The following DHRSX variants were observed in gnomAD, a reference collection of about 807,000 sequenced individuals.
The protein encoded by DHRSX is dehydrogenase/reductase X-linked, also known as polyprenol dehydrogenase.
Under a neutral mutation model 34.0 loss-of-function variants are expected in DHRSX, and 31 were observed. The observed-to-expected ratio is 0.91, with a 90% CI of 0.69 to 1.23. The LOEUF (loss-of-function observed/expected upper bound fraction) is 1.23. Among genes scored for constraint, DHRSX ranks in the 50% most tolerant of loss-of-function variants. The pLI is 0.00. For missense variants in DHRSX, 414 were observed against 428.1 expected, an observed-to-expected ratio of 0.97 and a Z score of 0.29; for synonymous variants, 201 against 183.8, an observed-to-expected ratio of 1.09 and a Z score of -0.76.
rs1443239257 is a variant in DHRSX, at chrX:2,238,095, C to T, written c.804+4928G>A. Among the ~76,000 whole-genome samples, 7 of 152,174 alleles carry T rather than the reference C, an allele frequency of 4.6e-5. No homozygotes were observed. The East Asian group carries it at 9.7e-4, about 21-fold the overall frequency. On this transcript the variant is annotated intron_variant, in intron 6 of 6. Transcript: ENST00000334651. ...CTCTCATCTTTATAAATGCACAAAT[C>T]ATAATCCCAACACTTTGGGAGGCCA... is the stretch of plus-strand genomic sequence containing the variant.
intron 3 of DHRSX, among the ~76,000 whole-genome samples, chrX:2,396,986 G>T (rs2043420349): frequency 6.6e-6 from 1 of 151,970 alleles, no homozygotes; most frequent in Non-Finnish European, 1.5e-5. Flanking sequence ...CTGAAATTCA[G>T]CTTCTTTTTA....
chrX:2,298,608 A>ACACACACACACACACACACACGCG (rs2041966582), intron 3 of DHRSX, among the ~76,000 whole-genome samples: 3 of 60,036 alleles, frequency 5.0e-5, no homozygotes, highest in African/African-American at 1.3e-4. Flanking sequence ...GTGTACACAC[A>ACACACACACACACACACACACGCG]CACACACACA....
chrX:2,296,365 A>G (rs1371947261), intron 3 of DHRSX, among the ~76,000 whole-genome samples: 2 of 152,194 alleles, frequency 1.3e-5, no homozygotes, highest in African/African-American at 4.8e-5. Flanking sequence ...GAGAGGGAAA[A>G]AGAGAAAAGA....
intron 2 of DHRSX, among the ~76,000 whole-genome samples, chrX:2,413,845 A>G (rs2043661230): frequency 1.3e-5 from 2 of 152,054 alleles, no homozygotes; most frequent in South Asian, 4.1e-4. Flanking sequence ...ATCTGATTAT[A>G]CCCTAACCCA....
In DHRSX at chrX:2,445,852, C is replaced by T. The variant is rs190842077; in HGVS notation, c.110-20548G>A. ...CACCGTGTACACACTGAGGACGTTC[C>T]CTAAGCATGTGGCTAAGGGACTCCG... is the stretch of plus-strand genomic sequence containing the variant. On this transcript the variant is annotated intron_variant, in intron 1 of 6. Transcript: ENST00000334651. Among the ~76,000 whole-genome samples, 115 of 152,100 alleles carry T rather than the reference C, an allele frequency of 7.6e-4. 1 individual carries two copies. Among genetic ancestry groups the T allele is most frequent in the Admixed American group, 7.2e-4 (11 of 15,274 alleles).
intron 3 of DHRSX, among the ~76,000 whole-genome samples, chrX:2,406,407 C>T (rs1336340287): frequency 6.6e-6 from 1 of 151,096 alleles, no homozygotes; most frequent in Admixed American, 6.6e-5. Context: ...TGGATATTGT[C>T]AGAAGGGTGT....
At chrX:2,306,489 T>G (rs1359299187) in intron 3 of DHRSX, among the ~76,000 whole-genome samples, 1 of 147,654 alleles carries the variant, frequency 6.8e-6, no homozygotes. Flanking sequence ...TGAGGCAGAG[T>G]CTTGCTCTGT....
chrX:2,399,725 C>CAAAAAAAAAAAAAAAAAA (rs779558142), intron 3 of DHRSX, among the ~76,000 whole-genome samples: 3 of 35,228 alleles, frequency 8.5e-5, no homozygotes, highest in Non-Finnish European at 1.5e-4. Flanking sequence ...AAACAAAAAG[C>CAAAAAAAAAAAAAAAAAA]AAAAAAAAAA....
At chrX:2,269,027 A>G (rs1055655028) in intron 4 of DHRSX, among the ~76,000 whole-genome samples, 4 of 152,210 alleles carry the variant, frequency 2.6e-5, no homozygotes, top group African/African-American at 9.6e-5. Flanking sequence ...AGCTATATTG[A>G]TATTTGTAGA....
chrX:2,462,280 CA>C (rs2044413365), intron 1 of DHRSX, among the ~76,000 whole-genome samples: 1 of 151,884 alleles, frequency 6.6e-6, no homozygotes, highest in East Asian at 1.9e-4. Flanking sequence ...GCCCACTTGC[CA>C]AGAACAATGT....
At chrX:2,340,242 G>A (rs1366378542) in intron 3 of DHRSX, among the ~76,000 whole-genome samples, 1 of 151,986 alleles carries the variant, frequency 6.6e-6, no homozygotes, top group Non-Finnish European at 1.5e-5. Flanking sequence ...TAATGTAGAT[G>A]ACGGGTTGAG....
At chrX:2,292,683 T>C (rs2041880638) in intron 3 of DHRSX, among the ~76,000 whole-genome samples, 1 of 152,206 alleles carries the variant, frequency 6.6e-6, no homozygotes, top group Non-Finnish European at 1.5e-5. Flanking sequence ...ATCTGTGTTA[T>C]TTTGTTACAG....
At chrX:2,418,846 T>A (rs2043731894) in intron 2 of DHRSX, among the ~76,000 whole-genome samples, 1 of 152,272 alleles carries the variant, frequency 6.6e-6, no homozygotes, top group South Asian at 2.1e-4. Context: ...ACAGCAGATA[T>A]CCACCTAGCA....
At chrX:2,322,274 C>T (rs745996251) in intron 3 of DHRSX, among the ~76,000 whole-genome samples, 1 of 152,042 alleles carries the variant, frequency 6.6e-6, no homozygotes, top group Non-Finnish European at 1.5e-5. Flanking sequence ...CCTTATCAGG[C>T]GTGGTGGCTC....
chrX:2,471,564 C>CAA (rs772245590), intron 1 of DHRSX, among the ~76,000 whole-genome samples: 222 of 126,160 alleles, frequency 1.8e-3, no homozygotes, highest in Middle Eastern at 4.3e-3. Context: ...AACTCCATCT[C>CAA]AAAAAAAAAA....
intron 3 of DHRSX, among the ~76,000 whole-genome samples, chrX:2,399,087 C>G (rs1375988710): frequency 4.0e-5 from 6 of 151,560 alleles, no homozygotes; most frequent in Non-Finnish European, 5.9e-5. Context: ...ATCTCCTGAT[C>G]TCGTGATCTG....
At chrX:2,326,809 CTTTT>C (rs776129131) in intron 3 of DHRSX, among the ~76,000 whole-genome samples, 2 of 144,612 alleles carry the variant, frequency 1.4e-5, no homozygotes, top group Non-Finnish European at 3.0e-5. Context: ...TTCAGTTTTT[CTTTT>C]TTTTTTTTTT....
intron 1 of DHRSX, among the ~76,000 whole-genome samples, chrX:2,461,940 G>A (rs1403472557): frequency 2.6e-5 from 4 of 151,974 alleles, no homozygotes; most frequent in Non-Finnish European, 4.4e-5. Context: ...CACCGGCCTC[G>A]GCCTCCCAAA....
chrX:2,434,206 A>T (rs780847416), intron 1 of DHRSX, among the ~76,000 whole-genome samples: 7 of 152,362 alleles, frequency 4.6e-5, no homozygotes, highest in African/African-American at 1.7e-4. Context: ...ACAATGAAAT[A>T]ATGAATAAAG....
Sources: gnomAD v4.1 joint callset for allele counts (sites outside exome capture counted in the v4.1 genomes callset) on GRCh38, gnomAD v4.1.1 for gene constraint, MANE v1.5 for transcripts, NCBI Gene and HGNC (gene_info 2026-07-23, HGNC 2026-07-21) for gene names.